ROBO2: variants seen among roughly 807,000 people sequenced by gnomAD.
ROBO2 encodes roundabout homolog 2.
Under a neutral mutation model 160.8 loss-of-function variants are expected in ROBO2, and 53 were observed. That is an observed-to-expected ratio of 0.33 (90% CI 0.26 to 0.41). ROBO2 has a LOEUF of 0.41. Among genes scored for constraint, ROBO2 ranks in the 10% least tolerant of loss-of-function variants. The pLI is 1.00. For synonymous variants in ROBO2, 664 were observed against 611.7 expected (o/e 1.09, Z -1.26); for missense variants, 1,577 against 1,722.4 (o/e 0.92, Z 1.49).
At chr3:76,776,011 G>A (rs1390385546) in intron 2 of ROBO2, among the ~76,000 whole-genome samples, 2 of 150,548 alleles carry the variant, frequency 1.3e-5, no homozygotes, top group Non-Finnish European at 3.0e-5. Context: ...CTGTACTTTT[G>A]ACCTCAGTTT....
At chr3:77,128,698 CTTAA>C (rs1308333760) in intron 2 of ROBO2, among the ~76,000 whole-genome samples, 1 of 152,084 alleles carries the variant, frequency 6.6e-6, no homozygotes, top group Non-Finnish European at 1.5e-5. Flanking sequence ...TGCTAATTTT[CTTAA>C]TTCTTTGTCA....
chr3:76,901,283 C>T (rs2075207824), intron 2 of ROBO2, among the ~76,000 whole-genome samples: 1 of 152,102 alleles, frequency 6.6e-6, no homozygotes, highest in African/African-American at 2.4e-5. Context: ...TCCCCTCTTG[C>T]ATTGGAATAT....
intron 2 of ROBO2, among the ~76,000 whole-genome samples, chr3:77,475,044 C>A (rs2083831101): frequency 6.7e-6 from 1 of 150,180 alleles, no homozygotes; most frequent in African/African-American, 2.5e-5. Context: ...ATGGTGGAAC[C>A]TGCTGAAAAG....
At chr3:76,919,197 A>T (rs2076515408) in intron 2 of ROBO2, among the ~76,000 whole-genome samples, 1 of 152,172 alleles carries the variant, frequency 6.6e-6, no homozygotes, top group Non-Finnish European at 1.5e-5. Context: ...TAAAAAAATA[A>T]AGTAAAATAA....
chr3:75,987,972 G>C (rs1037829647), intron 2 of ROBO2, among the ~76,000 whole-genome samples: 2 of 143,274 alleles, frequency 1.4e-5, no homozygotes, highest in Non-Finnish European at 3.1e-5. Context: ...AACAGATATT[G>C]GTCTGTTGTG....
chr3:77,105,959 C>T (rs745675198), intron 2 of ROBO2, among the ~76,000 whole-genome samples: 14 of 152,086 alleles, frequency 9.2e-5, no homozygotes, highest in Non-Finnish European at 1.9e-4. Context: ...AGGTCTGCTC[C>T]GGTTTTCGAT....
At chr3:76,157,574 A>G (rs1031541686) in intron 2 of ROBO2, among the ~76,000 whole-genome samples, 2 of 152,102 alleles carry the variant, frequency 1.3e-5, no homozygotes, top group Non-Finnish European at 2.9e-5. Flanking sequence ...CTAATGTGAG[A>G]GAAGTGGTGG....
chr3:77,413,936 T>G (rs921030033), intron 2 of ROBO2, among the ~76,000 whole-genome samples: 8 of 151,936 alleles, frequency 5.3e-5, no homozygotes, highest in Non-Finnish European at 1.0e-4. Context: ...AACATATAAA[T>G]TTAGAATCTT....
At chr3:77,430,328 G>A (rs2078644946) in intron 2 of ROBO2, among the ~76,000 whole-genome samples, 1 of 152,092 alleles carries the variant, frequency 6.6e-6, no homozygotes, top group Admixed American at 6.5e-5. Context: ...TTGAAGTTTT[G>A]TTGTTGATAT....
chr3:77,234,510 C>CT (rs895750850), intron 2 of ROBO2, among the ~76,000 whole-genome samples: 9 of 151,698 alleles, frequency 5.9e-5, no homozygotes, highest in Non-Finnish European at 1.0e-4. Flanking sequence ...AGACAATCTG[C>CT]TTTTTTTTCA....
chr3:76,830,782 C>T (rs997052580), intron 2 of ROBO2, among the ~76,000 whole-genome samples: 3 of 146,280 alleles, frequency 2.1e-5, no homozygotes, highest in Middle Eastern at 3.3e-3. Flanking sequence ...TTTGAGATGA[C>T]GCTGGGCAAC....
At chr3:76,434,643 C>G in intron 2 of ROBO2, 2 of 1,323,358 alleles carry the variant, frequency 1.5e-6, no homozygotes, top group South Asian at 2.3e-5. Context: ...GGCAAAAGAA[C>G]TGAGTGGACT....
intron 2 of ROBO2, among the ~76,000 whole-genome samples, chr3:77,357,171 G>C (rs2069248009): frequency 6.6e-6 from 1 of 152,132 alleles, no homozygotes; most frequent in Admixed American, 6.6e-5. Flanking sequence ...TGGCTTGAGT[G>C]TGTCACCCAA....
intron 2 of ROBO2, among the ~76,000 whole-genome samples, chr3:76,876,432 T>A (rs752497881): frequency 6.6e-6 from 1 of 152,154 alleles, no homozygotes; most frequent in Non-Finnish European, 1.5e-5. Flanking sequence ...CCCAGAACTT[T>A]ATGAGGCTGA....
At chr3:77,521,641 A>G (rs2090609948) in intron 5 of ROBO2, among the ~76,000 whole-genome samples, 1 of 151,210 alleles carries the variant, frequency 6.6e-6, no homozygotes, top group African/African-American at 2.4e-5. Context: ...AAGGGTAGTT[A>G]AGTTTAGTTG....
chr3:77,247,264 C>G (rs975710832), intron 2 of ROBO2, among the ~76,000 whole-genome samples: 4 of 152,144 alleles, frequency 2.6e-5, no homozygotes, highest in African/African-American at 7.2e-5. Context: ...AGAATAGCTC[C>G]CAGGCTTGGA....
chr3:76,847,480 C>T (rs1405435578), intron 2 of ROBO2, among the ~76,000 whole-genome samples: 1 of 152,128 alleles, frequency 6.6e-6, no homozygotes, highest in Non-Finnish European at 1.5e-5. Context: ...ACACCACATA[C>T]TTGTATTTGG....
At chr3:76,199,555 C>A (rs1603257) in intron 2 of ROBO2, among the ~76,000 whole-genome samples, 1 of 151,800 alleles carries the variant, frequency 6.6e-6, no homozygotes, top group Non-Finnish European at 1.5e-5. Context: ...TTGGTAACTT[C>A]GTGAGAGGAT....
At chr3:76,629,292 T>A (rs929093770) in intron 2 of ROBO2, among the ~76,000 whole-genome samples, 1 of 152,196 alleles carries the variant, frequency 6.6e-6, no homozygotes, top group South Asian at 2.1e-4. Context: ...TAATTTTTTT[T>A]CCAACTGCAT....
Sources: gnomAD v4.1 joint callset for allele counts (sites outside exome capture counted in the v4.1 genomes callset) on GRCh38, gnomAD v4.1.1 for gene constraint, MANE v1.5 for transcripts, NCBI Gene and HGNC (gene_info 2026-07-23, HGNC 2026-07-21) for gene names.